CNTN4: variants seen among roughly 807,000 people sequenced by gnomAD.
The protein encoded by CNTN4 is contactin 4, also known as contactin-4.
Under a neutral mutation model 122.5 loss-of-function variants are expected in CNTN4, and 77 were observed. The observed-to-expected ratio is 0.63, with a 90% confidence interval of 0.52 to 0.76. CNTN4 has a LOEUF of 0.76. CNTN4 is among the 30% of genes least tolerant of loss of function. The pLI is 0.00. For missense variants in CNTN4, 1,256 were observed against 1,259.1 expected (o/e 1.00, Z 0.04); for synonymous variants, 512 against 447.0 (o/e 1.15, Z -1.83).
chr3:2,747,409 AAAAAAAAAATAAAAATAAAAAT>A (rs1273242610), intron 6 of CNTN4, among the ~76,000 whole-genome samples: 2 of 28,914 alleles, frequency 6.9e-5, no homozygotes, highest in African/African-American at 1.7e-4. Context: ...ACTCCGTCTA[AAAAAAAAAATAAAAATAAAAAT>A]AAAAAATAAA....
chr3:2,172,449 G>A (rs186382704), intron 2 of CNTN4, among the ~76,000 whole-genome samples: 23 of 152,228 alleles, frequency 1.5e-4, no homozygotes, highest in African/African-American at 5.5e-4. Context: ...ATTGGGTACA[G>A]TGTTCATTGC....
chr3:2,479,564 A>G (rs552646035), intron 3 of CNTN4, among the ~76,000 whole-genome samples: 1 of 152,338 alleles, frequency 6.6e-6, no homozygotes, highest in East Asian at 1.9e-4. Flanking sequence ...AATGAAACTT[A>G]CGCGATGCCC....
In CNTN4 at chr3:2,645,477, T is replaced by G. The variant is rs541460818; in HGVS notation, c.55+73919T>G. 7.9e-5 allele frequency among the ~76,000 whole-genome samples: 12 copies of G among 152,344 alleles called. No individual in the cohort carries two copies. The East Asian group carries it at 1.7e-3, about 22-fold the overall frequency. On this transcript the variant is annotated intron_variant, in intron 4 of 24. Transcript: ENST00000418658. The stretch of plus-strand genomic sequence containing the variant: ...TCTTTTTTCATGCTGTTAAAGCAAA[T>G]TGGTATGTAATTAGATTTATATACT...
chr3:2,330,657 C>T (rs2043681642), intron 2 of CNTN4, among the ~76,000 whole-genome samples: 2 of 152,122 alleles, frequency 1.3e-5, no homozygotes, highest in Non-Finnish European at 2.9e-5. Flanking sequence ...TGTGGAAGGT[C>T]ACTCAGCTAG....
At chr3:2,961,800 C>T (rs546119990) in intron 13 of CNTN4, among the ~76,000 whole-genome samples, 30 of 152,182 alleles carry the variant, frequency 2.0e-4, no homozygotes, top group East Asian at 7.7e-4. Flanking sequence ...GCTTTGAGGG[C>T]GAAAACAAAG....
chr3:2,830,180 T>C (rs1458279974), intron 7 of CNTN4, among the ~76,000 whole-genome samples: 4 of 152,210 alleles, frequency 2.6e-5, no homozygotes, highest in African/African-American at 9.6e-5. Context: ...ATTACCCAGC[T>C]TCTCTCCTGA....
chr3:2,756,825 G>A (rs891730991), intron 6 of CNTN4, among the ~76,000 whole-genome samples: 17 of 152,290 alleles, frequency 1.1e-4, no homozygotes, highest in African/African-American at 4.1e-4. Context: ...CTCTCCTAGA[G>A]CCTTCGAAGG....
At chr3:2,953,504 C>T (rs527872279) in intron 13 of CNTN4, among the ~76,000 whole-genome samples, 155 of 151,848 alleles carry the variant, frequency 1.0e-3, no homozygotes, top group Admixed American at 2.8e-3. Flanking sequence ...CATTCTACAA[C>T]TTCTAAACTG....
chr3:2,784,103 T>C (rs1045249152), intron 6 of CNTN4, among the ~76,000 whole-genome samples: 1 of 152,282 alleles, frequency 6.6e-6, no homozygotes, highest in Non-Finnish European at 1.5e-5. Context: ...TTTCTACATA[T>C]AGACATTTAG....
At chr3:2,142,602 C>G (rs2035049274) in intron 2 of CNTN4, among the ~76,000 whole-genome samples, 2 of 152,296 alleles carry the variant, frequency 1.3e-5, no homozygotes, top group Admixed American at 6.5e-5. Context: ...CTCGGCCTCC[C>G]AAACTGCTGG....
At chr3:2,706,358 A>G (rs1271292927) in intron 4 of CNTN4, among the ~76,000 whole-genome samples, 3 of 152,154 alleles carry the variant, frequency 2.0e-5, no homozygotes, top group Non-Finnish European at 4.4e-5. Flanking sequence ...TGATTACATA[A>G]GGAAAAATGA....
chr3:3,054,550 C>A (rs746027377), intron 24 of CNTN4, among the ~76,000 whole-genome samples: 10 of 152,114 alleles, frequency 6.6e-5, no homozygotes, highest in Non-Finnish European at 1.3e-4. Context: ...ACATTCAATT[C>A]TGTTTTTACA....
chr3:2,887,146 G>C lies in CNTN4; in HGVS notation c.862G>C (p.Glu288Gln). ...GILEIPNFQQ[E>Q]DAGLYECVAE... ...TCTTGAGATCCCTAATTTTCAGCAG[G>C]AGGATGCTGGTTTATATGAATGTGT... The change falls in exon 10 of 25, where the codon GAG becomes CAG. Residue 288 changes from glutamate (E) to glutamine (Q), a missense_variant. Physicochemically the swap from Glu to Gln is conservative, Grantham distance 29. Coordinates refer to ENST00000418658, the MANE Select transcript of CNTN4 (RefSeq NM_175607.3). The C allele has an allele frequency of 6.2e-7, 1 of 1,614,106 alleles. No homozygotes were observed. The highest frequency in any genetic ancestry group is 8.5e-7 in the Non-Finnish European group (1 of 1,179,980).
At chr3:2,271,498 A>G (rs1357488854) in intron 2 of CNTN4, among the ~76,000 whole-genome samples, 3 of 152,186 alleles carry the variant, frequency 2.0e-5, no homozygotes, top group Non-Finnish European at 4.4e-5. Context: ...TTAAATAGGG[A>G]TAATAATAGC....
At chr3:2,260,776 G>A (rs990006774) in intron 2 of CNTN4, among the ~76,000 whole-genome samples, 12 of 149,708 alleles carry the variant, frequency 8.0e-5, no homozygotes, top group Admixed American at 2.7e-4. Flanking sequence ...CATCCAGGCT[G>A]GAGTGCAGTG....
chr3:2,205,169 A>T (rs746958582), intron 2 of CNTN4, among the ~76,000 whole-genome samples: 8 of 151,376 alleles, frequency 5.3e-5, no homozygotes, highest in African/African-American at 1.9e-4. Flanking sequence ...TTTTTAGCTT[A>T]CTCATCATAC....
chr3:3,040,099 C>G lies in CNTN4; in HGVS notation c.2226C>G (p.Tyr742Ter). Residue 742 changes from tyrosine (Y) to a stop codon, truncating the protein, a stop_gained, in exon 20 of 25, where the codon TAC becomes TAG. Coordinates refer to ENST00000418658, the MANE Select transcript of CNTN4 (RefSeq NM_175607.3). LOFTEE classifies it high-confidence loss of function. ...GFGYVVAFRP[Y>*]GKMIWMLTVL... ...GTTATGTGGTGGCCTTCCGGCCCTA[C>G]GGTAAAATGATCTGGATGCTGACAG... The G allele has an allele frequency of 6.2e-7, 1 of 1,614,164 alleles. No homozygotes were observed. Among genetic ancestry groups the G allele is most frequent in the Non-Finnish European group, 8.5e-7 (1 of 1,179,974 alleles).
chr3:2,388,341 C>T (rs2150851049), intron 3 of CNTN4, among the ~76,000 whole-genome samples: 1 of 152,238 alleles, frequency 6.6e-6, no homozygotes, highest in South Asian at 2.1e-4. Context: ...CTTCTGGGAT[C>T]AATGCATTGC....
intron 4 of CNTN4, among the ~76,000 whole-genome samples, chr3:2,729,348 A>G (rs967410865): frequency 6.6e-6 from 1 of 151,386 alleles, no homozygotes; most frequent in Non-Finnish European, 1.5e-5. Flanking sequence ...GCGGATCACG[A>G]GGTCAGGAGA....
Sources: gnomAD v4.1 joint callset for allele counts (sites outside exome capture counted in the v4.1 genomes callset) on GRCh38, gnomAD v4.1.1 for gene constraint, MANE v1.5 for transcripts, NCBI Gene and HGNC (gene_info 2026-07-23, HGNC 2026-07-21) for gene names.